Variants in PDZRN4 observed in about 807,000 individuals in gnomAD.
The protein encoded by PDZRN4 is PDZ domain-containing RING finger protein 4.
In PDZRN4, 70 loss-of-function variants were observed where a neutral mutation model predicts 99.0. The ratio of observed to expected loss-of-function variants is 0.71; its 90% confidence interval spans 0.58 to 0.86. The LOEUF (loss-of-function observed/expected upper bound fraction) is 0.86, where lower values mean the gene tolerates loss of function less well. PDZRN4 is among the 40% of genes least tolerant of loss of function. The pLI is 0.00. For synonymous variants in PDZRN4, 551 were observed against 501.6 expected (o/e 1.10, Z -1.32); for missense variants, 1,474 against 1,331.2 (o/e 1.11, Z -1.67).
chr12:41,509,828 C>T lies in PDZRN4; in HGVS notation c.1118C>T (p.Pro373Leu). ...LLSDSCHSLHPMEHEFYEDNE... is the reference protein window; with the variant it reads ...LLSDSCHSLHLMEHEFYEDNE... ...CCCCATAGCTGCCATTCTCTACATCCAATGGAGCATGAATTTTATGAGGAC... is the reference window on the plus strand; with the variant it reads ...CCCCATAGCTGCCATTCTCTACATCTAATGGAGCATGAATTTTATGAGGAC... Residue 373 changes from proline to leucine, a missense_variant, in exon 5 of 10, where the codon CCA (proline) becomes CTA (leucine). Transcript: ENST00000402685. The T allele has an allele frequency of 6.3e-7, 1 of 1,577,572 alleles. No homozygotes were observed. Among genetic ancestry groups the T allele is most frequent in the Non-Finnish European group, 8.7e-7 (1 of 1,149,346 alleles).
Position 41,391,727 on chromosome 12 carries a change from C to T in PDZRN4, c.844-114729C>T, listed in dbSNP as rs1031328434. ...TTATATCCTTTAGCACTGTAAATTT[C>T]TTTTTTCCTTTTTGGCCCCAGGTTC... On this transcript the variant is annotated intron_variant, in intron 3 of 9. Transcript: ENST00000402685. Among the ~76,000 whole-genome samples, 76 of 152,128 alleles carry T rather than the reference C, an allele frequency of 5.0e-4. 1 individual carries two copies. Among genetic ancestry groups the T allele is most frequent in the Non-Finnish European group, 8.1e-4 (55 of 68,000 alleles).
intron 3 of PDZRN4, among the ~76,000 whole-genome samples, chr12:41,372,559 A>G (rs1285268207): frequency 6.6e-6 from 1 of 152,192 alleles, no homozygotes; most frequent in East Asian, 1.9e-4. Context: ...GATGAGCCAG[A>G]TAGATGAAGA....
chr12:41,245,330 T>C (rs1244745655), intron 3 of PDZRN4, among the ~76,000 whole-genome samples: 1 of 152,328 alleles, frequency 6.6e-6, no homozygotes, highest in African/African-American at 2.4e-5. Context: ...AAGTGAATTA[T>C]TTTATCAACA....
At chr12:41,560,155 A>G (rs1939245052) in intron 7 of PDZRN4, among the ~76,000 whole-genome samples, 1 of 152,036 alleles carries the variant, frequency 6.6e-6, no homozygotes, top group Non-Finnish European at 1.5e-5. Context: ...CTAGACTTTG[A>G]TCACCTCCTT....
At chr12:41,455,699 C>A (rs1166072323) in intron 3 of PDZRN4, among the ~76,000 whole-genome samples, 1 of 152,172 alleles carries the variant, frequency 6.6e-6, no homozygotes, top group Non-Finnish European at 1.5e-5. Context: ...TTTCTTCAAA[C>A]CCCTTACTGC....
chr12:41,373,083 T>C (rs987874695), intron 3 of PDZRN4, among the ~76,000 whole-genome samples: 2 of 152,048 alleles, frequency 1.3e-5, no homozygotes, highest in African/African-American at 4.8e-5. Context: ...TTTTTATTAG[T>C]GATTTTCAAA....
chr12:41,433,333 C>T (rs912817685), intron 3 of PDZRN4, among the ~76,000 whole-genome samples: 2 of 152,154 alleles, frequency 1.3e-5, no homozygotes, highest in African/African-American at 2.4e-5. Flanking sequence ...CAGAATTTGT[C>T]GTTGGAAAAC....
At position 41,497,267 on chromosome 12, in the gene PDZRN4, G is replaced by A. The variant is rs552149130; in HGVS notation, c.844-9189G>A. ...ATGTTGTTTGCAGGATTTTTTTTAA[G>A]AAACCTGAGTTGTTTAATGACAATG... On this transcript the variant is annotated intron_variant, in intron 3 of 9. Coordinates refer to ENST00000402685, the MANE Select transcript of PDZRN4 (RefSeq NM_001164595.2). Among the ~76,000 whole-genome samples, 6 of 152,120 alleles carry A rather than the reference G, an allele frequency of 3.9e-5. 1 individual carries two copies. In the South Asian group the frequency reaches 1.2e-3, roughly 32 times the overall value.
At chr12:41,477,759 A>C (rs1337210958) in intron 3 of PDZRN4, 4 of 719,380 alleles carry the variant, frequency 5.6e-6, no homozygotes, top group Non-Finnish European at 9.9e-6. Flanking sequence ...AAAATATCCT[A>C]GAATAAACAT....
At chr12:41,464,925 A>G (rs1220892226) in intron 3 of PDZRN4, among the ~76,000 whole-genome samples, 1 of 150,774 alleles carries the variant, frequency 6.6e-6, no homozygotes, top group Non-Finnish European at 1.5e-5. Flanking sequence ...CCCAGGTTCA[A>G]GTGATTCTCC....
At chr12:41,417,328 GGTAA>G (rs1482880895) in intron 3 of PDZRN4, among the ~76,000 whole-genome samples, 2 of 152,122 alleles carry the variant, frequency 1.3e-5, no homozygotes, top group African/African-American at 4.8e-5. Flanking sequence ...GAGAAAATTT[GGTAA>G]GTGCCATTGC....
In PDZRN4 at chr12:41,563,582, C is replaced by A. The variant is rs1187049322; in HGVS notation, c.1400C>A (p.Ala467Glu). 2 of 1,613,316 alleles carry A rather than the reference C, an allele frequency of 1.2e-6. No individual in the cohort carries two copies. Among genetic ancestry groups the A allele is most frequent in the Admixed American group, 1.7e-5 (1 of 59,952 alleles). The change falls in exon 8 of 10, where the codon GCA becomes GAA. Residue 467 changes from alanine to glutamate, a missense_variant. Coordinates refer to ENST00000402685, the MANE Select transcript of PDZRN4 (RefSeq NM_001164595.2). ...NGEDVQNREEAVALLSNDECK... is the reference protein window; with the variant it reads ...NGEDVQNREEEVALLSNDECK... ...GAAGATGTCCAGAATCGAGAAGAAG[C>A]AGTGGCCTTGCTGTCTAACGATGAG...
chr12:41,513,440 G>A (rs922670443), intron 5 of PDZRN4, among the ~76,000 whole-genome samples: 1 of 152,012 alleles, frequency 6.6e-6, no homozygotes, highest in African/African-American at 2.4e-5. Context: ...CTCACAGCTT[G>A]AAACTTGTTC....
chr12:41,292,326 T>C (rs922212044), intron 3 of PDZRN4, among the ~76,000 whole-genome samples: 2 of 152,146 alleles, frequency 1.3e-5, no homozygotes, highest in African/African-American at 4.8e-5. Flanking sequence ...TAAGGATCAT[T>C]ATTTGTAGGA....
In PDZRN4 at chr12:41,194,117, G is replaced by A. The variant is rs199768484; in HGVS notation, c.772G>A (p.Val258Ile). ...QEGTSTEGIY[V>I]SKILENGPAD... ...AGGAACATCGACTGAAGGAATTTACGTTTCAAAAATTTTAGAAAATGGACC... is the reference window on the plus strand; with the variant it reads ...AGGAACATCGACTGAAGGAATTTACATTTCAAAAATTTTAGAAAATGGACC... Residue 258 changes from valine (V) to isoleucine (I), a missense_variant, in exon 3 of 10, where the codon GTT becomes ATT. Val to Ile is a conservative substitution (Grantham distance 29). Transcript: ENST00000402685. 369 of 1,562,850 alleles carry A rather than the reference G, an allele frequency of 2.4e-4. No individual in the cohort carries two copies. In the African/African-American group the frequency reaches 3.8e-3, roughly 16 times the overall value.
At chr12:41,435,189 C>A (rs1320812330) in intron 3 of PDZRN4, among the ~76,000 whole-genome samples, 1 of 152,164 alleles carries the variant, frequency 6.6e-6, no homozygotes, top group Non-Finnish European at 1.5e-5. Context: ...CCAGGAGGAG[C>A]TGCTGAAGGG....
intron 3 of PDZRN4, among the ~76,000 whole-genome samples, chr12:41,503,353 TAGAGA>T (rs1475754600): frequency 6.6e-6 from 1 of 152,108 alleles, no homozygotes; most frequent in African/African-American, 2.4e-5. Flanking sequence ...TGATTGTTCT[TAGAGA>T]AAAGAATGAA....
chr12:41,424,066 A>T (rs1171129374), intron 3 of PDZRN4, among the ~76,000 whole-genome samples: 1 of 152,180 alleles, frequency 6.6e-6, no homozygotes, highest in Non-Finnish European at 1.5e-5. Flanking sequence ...TGTTCTCTAA[A>T]AATTAATAAA....
chr12:41,350,059 T>C (rs1311587491), intron 3 of PDZRN4, among the ~76,000 whole-genome samples: 1 of 152,108 alleles, frequency 6.6e-6, no homozygotes, highest in East Asian at 1.9e-4. Flanking sequence ...ATATAATTTA[T>C]ATTTTATGTA....
Sources: allele counts gnomAD v4.1 joint callset (sites outside exome capture counted in the v4.1 genomes callset), GRCh38; gene constraint gnomAD v4.1.1; transcripts MANE v1.5; gene names NCBI Gene and HGNC (gene_info 2026-07-23, HGNC 2026-07-21).